WDPCP: variants seen among roughly 807,000 people sequenced by gnomAD.
WDPCP encodes WD repeat-containing and planar cell polarity effector protein fritz homolog.
In WDPCP, 71 loss-of-function variants were observed where a neutral mutation model predicts 93.1. That is an observed-to-expected ratio of 0.76 (90% confidence interval 0.63 to 0.93). The LOEUF (loss-of-function observed/expected upper bound fraction) is 0.93. Ranked by LOEUF, WDPCP falls within the 40% of genes least tolerant of loss-of-function variation. The pLI, the probability that WDPCP is intolerant of heterozygous loss-of-function variation, is 0.00. For synonymous variants in WDPCP, 315 were observed against 315.0 expected, an observed-to-expected ratio of 1.00 and a Z score of 0.00; for missense variants, 844 against 887.4, an observed-to-expected ratio of 0.95 and a Z score of 0.62.
chr2:63,214,599 C>T (rs1677148771), intron 14 of WDPCP, among the ~76,000 whole-genome samples: 1 of 152,132 alleles, frequency 6.6e-6, no homozygotes, highest in Non-Finnish European at 1.5e-5. Flanking sequence ...TCCTATTCAA[C>T]ATAGTGTTGG....
chr2:63,705,593 T>C (rs1287893834), intron 2 of WDPCP, among the ~76,000 whole-genome samples: 16 of 152,330 alleles, frequency 1.1e-4, no homozygotes, highest in Non-Finnish European at 1.9e-4. Context: ...TCAGTTTCCA[T>C]GTAGTTGAGC....
chr2:63,309,536 T>G (rs1575111602), intron 13 of WDPCP, among the ~76,000 whole-genome samples: 1 of 152,114 alleles, frequency 6.6e-6, no homozygotes, highest in Non-Finnish European at 1.5e-5. Context: ...TCTACAATAG[T>G]AGTTGGAGAC....
chr2:63,621,841 C>T (rs534230724), intron 3 of WDPCP, among the ~76,000 whole-genome samples: 79 of 151,400 alleles, frequency 5.2e-4, no homozygotes, highest in African/African-American at 1.8e-3. Flanking sequence ...AGAAACTCTA[C>T]AAGCCAGAAG....
rs186768411 is a variant in WDPCP at position 63,572,424 on chromosome 2, G to A, written c.75+15773C>T. 7.1e-3 allele frequency among the ~76,000 whole-genome samples: 1,076 copies of A among 151,864 alleles called. 14 individuals are homozygous for A. The highest frequency in any genetic ancestry group is 0.022 in the African/African-American group (911 of 41,438). ...ATTAATTATAAATTGGACAGTAGGC[G>A]GGGCATGGTGGCTCATGCCTATAAT... On this transcript the variant is annotated intron_variant, in intron 1 of 17. Coordinates refer to ENST00000272321, the MANE Select transcript of WDPCP (RefSeq NM_015910.7).
At chr2:63,510,206 A>G (rs1478973795) in intron 1 of WDPCP, among the ~76,000 whole-genome samples, 1 of 152,268 alleles carries the variant, frequency 6.6e-6, no homozygotes, top group Non-Finnish European at 1.5e-5. Flanking sequence ...AACCGAATCC[A>G]GCAGCACATT....
chr2:63,710,061 G>A (rs759314381), intron 2 of WDPCP, among the ~76,000 whole-genome samples: 13 of 152,160 alleles, frequency 8.5e-5, no homozygotes, highest in Admixed American at 6.5e-5. Flanking sequence ...ATTTCATTAG[G>A]TAACTTCTTT....
intron 12 of WDPCP, among the ~76,000 whole-genome samples, chr2:63,317,258 A>T (rs1161196448): frequency 6.6e-6 from 1 of 151,826 alleles, no homozygotes; most frequent in Non-Finnish European, 1.5e-5. Flanking sequence ...AATACAAAAC[A>T]TTAGCTGGGC....
intron 6 of WDPCP, among the ~76,000 whole-genome samples, chr2:63,444,544 TTGG>T (rs1697718988): frequency 6.6e-6 from 1 of 152,076 alleles, no homozygotes; most frequent in Admixed American, 6.6e-5. Flanking sequence ...TATGTAAGAT[TTGG>T]TAGGACAAAA....
chr2:63,682,010 C>T (rs1668705673), intron 2 of WDPCP, among the ~76,000 whole-genome samples: 1 of 152,220 alleles, frequency 6.6e-6, no homozygotes, highest in Non-Finnish European at 1.5e-5. Flanking sequence ...GCAGATACAA[C>T]ATAGATCACA....
chr2:63,220,600 GA>G (rs1184354385), intron 14 of WDPCP, among the ~76,000 whole-genome samples: 1 of 151,410 alleles, frequency 6.6e-6, no homozygotes, highest in Non-Finnish European at 1.5e-5. Flanking sequence ...AAGGGTTTGT[GA>G]AATTACCCAG....
chr2:63,682,734 A>G (rs1668738331), intron 2 of WDPCP, among the ~76,000 whole-genome samples: 1 of 152,080 alleles, frequency 6.6e-6, no homozygotes, highest in East Asian at 1.9e-4. Context: ...GCACCCAAAG[A>G]TCAAAGATAA....
chr2:63,839,655 G>T, the WDPCP span, among the ~76,000 whole-genome samples: 1 of 152,166 alleles, frequency 6.6e-6, no homozygotes, highest in Non-Finnish European at 1.5e-5. Context: ...CAAATCTTTC[G>T]GTAGTATTTT....
intron 10 of WDPCP, among the ~76,000 whole-genome samples, chr2:63,400,774 A>T (rs1159479206): frequency 6.6e-6 from 1 of 152,200 alleles, no homozygotes; most frequent in African/African-American, 2.4e-5. Context: ...GCAGCATGGT[A>T]CTGGTACCAA....
At chr2:63,627,995 G>A (rs1553446638) in intron 3 of WDPCP, among the ~76,000 whole-genome samples, 1 of 152,120 alleles carries the variant, frequency 6.6e-6, no homozygotes, top group Non-Finnish European at 1.5e-5. Context: ...GCACTGTAAC[G>A]CACACCCTCT....
intron 12 of WDPCP, among the ~76,000 whole-genome samples, chr2:63,344,369 G>A (rs1689048874): frequency 6.6e-6 from 1 of 152,064 alleles, no homozygotes; most frequent in African/African-American, 2.4e-5. Flanking sequence ...GAGAACTAGG[G>A]CACTCCTTCA....
chr2:63,239,792 A>G (rs1379174461), intron 14 of WDPCP, among the ~76,000 whole-genome samples: 1 of 152,160 alleles, frequency 6.6e-6, no homozygotes, highest in African/African-American at 2.4e-5. Context: ...TAAATTTAGT[A>G]TAACGTCTTT....
intron 3 of WDPCP, among the ~76,000 whole-genome samples, chr2:63,637,298 G>A (rs1709930531): frequency 6.6e-6 from 1 of 151,476 alleles, no homozygotes; most frequent in African/African-American, 2.4e-5. Context: ...GTTGCAGTGA[G>A]CCGAGATCAT....
intron 4 of WDPCP, among the ~76,000 whole-genome samples, chr2:63,485,815 G>A (rs1051174318): frequency 1.3e-5 from 2 of 151,620 alleles, no homozygotes; most frequent in Non-Finnish European, 2.9e-5. Context: ...TGTGTTATAT[G>A]TACATATACA....
At chr2:63,485,090 T>C (rs1008204003) in intron 4 of WDPCP, 103 bp from the exon 5 acceptor site, 19 of 1,215,060 alleles carry the variant, frequency 1.6e-5, no homozygotes, top group Non-Finnish European at 2.0e-5. Flanking sequence ...ACCTCTATAA[T>C]CGAGAGGAAG....
Sources: allele counts gnomAD v4.1 joint callset (sites outside exome capture counted in the v4.1 genomes callset), GRCh38; gene constraint gnomAD v4.1.1; transcripts MANE v1.5; gene names NCBI Gene and HGNC (gene_info 2026-07-23, HGNC 2026-07-21).